The following MCPH1 variants were observed in gnomAD, a reference collection of about 807,000 sequenced individuals.
MCPH1 encodes the protein microcephalin.
MCPH1 carries 104 observed loss-of-function variants against 84.5 expected under a neutral mutation model. The ratio of observed to expected loss-of-function variants is 1.23; its 90% CI spans 1.05 to 1.45. The LOEUF (loss-of-function observed/expected upper bound fraction) is 1.45. MCPH1 is among the 40% of genes most tolerant of loss of function. The pLI is 0.00. For synonymous variants in MCPH1, 514 were observed against 366.8 expected (o/e 1.40, Z -4.58); for missense variants, 1,498 against 1,005.7 (o/e 1.49, Z -6.62).
At chr8:6,461,177 T>C (rs1268755104) in intron 9 of MCPH1, among the ~76,000 whole-genome samples, 1 of 152,134 alleles carries the variant, frequency 6.6e-6, no homozygotes, top group Non-Finnish European at 1.5e-5. Flanking sequence ...TGAAGAATTA[T>C]AGAATCTCAG....
rs142671633 is a variant in MCPH1 at position 6,446,705 on chromosome 8, A to G, written c.1825+1158A>G. Reference sequence around the variant, plus strand: ...TCCTGTTCTGAGGTTTACATTCTCCATCTTTCCAGTTTTCACCTTGTGTAT... The same window carrying G: ...TCCTGTTCTGAGGTTTACATTCTCCGTCTTTCCAGTTTTCACCTTGTGTAT... On this transcript the variant is annotated intron_variant, in intron 8 of 13. Coordinates refer to ENST00000344683, the MANE Select transcript of MCPH1 (RefSeq NM_024596.5). 9.4e-5 allele frequency: 93 copies of G among 985,256 alleles called. No individual in the cohort carries two copies. In the Middle Eastern group the frequency reaches 3.7e-3, roughly 39 times the overall value. The allele number at this position is 985,256 out of a possible 1,614,324, so 61.0% of individuals were successfully genotyped here. A position where few individuals can be genotyped will look rare whatever the true frequency, so the allele number is the denominator to read the frequency against.
intron 11 of MCPH1, among the ~76,000 whole-genome samples, chr8:6,481,199 T>A (rs569941895): frequency 1.3e-5 from 2 of 152,306 alleles, no homozygotes; most frequent in African/African-American, 4.8e-5. Context: ...AGAGCTTTCC[T>A]CTATGTGTGA....
chr8:6,592,311 C>G (rs1319184649), intron 12 of MCPH1, among the ~76,000 whole-genome samples: 5 of 151,954 alleles, frequency 3.3e-5, no homozygotes, highest in African/African-American at 1.2e-4. Context: ...GCCACCACAC[C>G]CGGCTAATTA....
intron 12 of MCPH1, among the ~76,000 whole-genome samples, chr8:6,617,690 G>C (rs1333752282): frequency 6.6e-6 from 1 of 151,956 alleles, no homozygotes; most frequent in Non-Finnish European, 1.5e-5. Flanking sequence ...GAGTTGTATT[G>C]TTTTGAGACA....
At chr8:6,615,339 T>C (rs189252024) in intron 12 of MCPH1, among the ~76,000 whole-genome samples, 1 of 152,212 alleles carries the variant, frequency 6.6e-6, no homozygotes, top group South Asian at 2.1e-4. Context: ...TTCTAGGGTG[T>C]CCTGAGAAGC....
rs768188163 is a variant in MCPH1 at position 6,406,629 on chromosome 8, G to C, written c.-39G>C. 2.5e-6 allele frequency: 4 copies of C among 1,608,526 alleles called. No homozygotes were observed. In the African/African-American group the frequency reaches 5.4e-5, roughly 22 times the overall value. On this transcript the variant is annotated 5_prime_UTR_variant, in exon 1 of 14. Coordinates refer to ENST00000344683, the MANE Select transcript of MCPH1 (RefSeq NM_024596.5). ...CCCGCGCGCGCCGCCAGGCTCGCAA[G>C]CACCGCGTAGGCCAGCTGGCCGGAT...
At chr8:6,505,420 C>T (rs1258938075) in intron 12 of MCPH1, among the ~76,000 whole-genome samples, 677 of 57,410 alleles carry the variant, frequency 0.012, 122 homozygotes, top group African/African-American at 0.039. Context: ...TCTTTATATA[C>T]ATAAAGAATA....
At chr8:6,577,224 C>T (rs1180934955) in intron 12 of MCPH1, among the ~76,000 whole-genome samples, 1 of 152,182 alleles carries the variant, frequency 6.6e-6, no homozygotes, top group Non-Finnish European at 1.5e-5. Flanking sequence ...CAGACAGGGC[C>T]TCCCTGCGTG....
chr8:6,465,012 A>AAG (rs1301855804), intron 9 of MCPH1, among the ~76,000 whole-genome samples: 8 of 151,974 alleles, frequency 5.3e-5, no homozygotes, highest in Non-Finnish European at 1.5e-5. Flanking sequence ...AAAAAAAAAA[A>AAG]GAAAAATTCT....
At chr8:6,479,581 C>A (rs1808927427) in intron 10 of MCPH1, among the ~76,000 whole-genome samples, 2 of 151,924 alleles carry the variant, frequency 1.3e-5, no homozygotes, top group Non-Finnish European at 2.9e-5. Context: ...ACTACAGGCA[C>A]CCGCGACCAC....
chr8:6,414,579 C>T (rs544482734), intron 2 of MCPH1, among the ~76,000 whole-genome samples, 186 bp from the exon 3 acceptor site: 1 of 152,102 alleles, frequency 6.6e-6, no homozygotes, highest in Non-Finnish European at 1.5e-5. Flanking sequence ...TAGATGTGAA[C>T]TTGTGTGTAT....
chr8:6,432,654 T>G (rs1238400518), intron 4 of MCPH1, among the ~76,000 whole-genome samples: 1 of 152,258 alleles, frequency 6.6e-6, no homozygotes, highest in Non-Finnish European at 1.5e-5. Context: ...GAACTACATT[T>G]CCTGTAGACT....
In MCPH1 at chr8:6,446,437, T is replaced by TA. The variant is rs201961498; in HGVS notation, c.1825+891dup. On this transcript the variant is annotated intron_variant, in intron 8 of 13. Transcript: ENST00000344683. ...GCGTTTGAAATCATCACAGACATGTTACATACCTTTTCCTTGAGTATACGC... is the reference window on the plus strand; with the variant it reads ...GCGTTTGAAATCATCACAGACATGTTAACATACCTTTTCCTTGAGTATACGC... 694 of 985,384 alleles carry TA rather than the reference T, an allele frequency of 7.0e-4. 6 individuals are homozygous for TA. In the African/African-American group the frequency reaches 0.011, roughly 16 times the overall value. The allele number at this position is 985,384 out of a possible 1,614,324, so 61.0% of individuals were successfully genotyped here.
At chr8:6,419,533 C>T (rs1048350647) in intron 3 of MCPH1, among the ~76,000 whole-genome samples, 1 of 150,852 alleles carries the variant, frequency 6.6e-6, no homozygotes, top group African/African-American at 2.4e-5. Context: ...GCTGGGACTA[C>T]AGGCGCCCAC....
chr8:6,580,899 C>G lies in MCPH1; in HGVS notation c.2215-40555C>G, dbSNP rs561388723. Among the ~76,000 whole-genome samples, 6 of 152,336 alleles carry G rather than the reference C, an allele frequency of 3.9e-5. No homozygotes were observed. In the South Asian group the frequency reaches 6.2e-4, roughly 16 times the overall value. On this transcript the variant is annotated intron_variant, in intron 12 of 13. Coordinates refer to ENST00000344683, the MANE Select transcript of MCPH1 (RefSeq NM_024596.5). ...ATAGTCAATGATTATGGTCAGCCCT[C>G]CACATCCGCAGGTTCTGCATCTGTA...
At chr8:6,489,149 A>G (rs1172073821) in intron 11 of MCPH1, among the ~76,000 whole-genome samples, 2 of 152,218 alleles carry the variant, frequency 1.3e-5, no homozygotes, top group Non-Finnish European at 2.9e-5. Flanking sequence ...ACATTCAAAT[A>G]GAGATACTAC....
chr8:6,534,245 G>A (rs1218225768), intron 12 of MCPH1, among the ~76,000 whole-genome samples: 1 of 151,972 alleles, frequency 6.6e-6, no homozygotes, highest in Non-Finnish European at 1.5e-5. Flanking sequence ...AACAAAAATT[G>A]TAAAACAATA....
chr8:6,406,842 C>T (rs1391981850), intron 1 of MCPH1, 153 bp downstream of exon 1: 1 of 43,692 alleles, frequency 2.3e-5, no homozygotes, highest in Admixed American at 1.6e-4. Flanking sequence ...TCCTTCCTCC[C>T]CCGCTGCCTG....
rs1240223504 is a variant in MCPH1, at chr8:6,645,259, C to T, written c.*2210C>T. 2 of 152,226 alleles carry T rather than the reference C, an allele frequency of 1.3e-5. No individual in the cohort carries two copies. The highest frequency in any genetic ancestry group is 2.9e-5 in the Non-Finnish European group (2 of 68,056). The allele number at this position is 152,226 out of a possible 1,614,324, so 9.4% of individuals were successfully genotyped here. ...CCTGCCAGTGGCCAGTCAAGATTCTCTTTCTGAAAGCTAGTATTTTATGAG... is the reference window on the plus strand; with the variant it reads ...CCTGCCAGTGGCCAGTCAAGATTCTTTTTCTGAAAGCTAGTATTTTATGAG... On this transcript the variant is annotated 3_prime_UTR_variant, in exon 14 of 14. Transcript: ENST00000344683.
Sources: gnomAD v4.1 joint callset for allele counts (sites outside exome capture counted in the v4.1 genomes callset) on GRCh38, gnomAD v4.1.1 for gene constraint, MANE v1.5 for transcripts, NCBI Gene and HGNC (gene_info 2026-07-23, HGNC 2026-07-21) for gene names.